The following CHST10 variants were observed in gnomAD, a reference collection of about 807,000 sequenced individuals.
CHST10 encodes the protein carbohydrate sulfotransferase 10.
Under a neutral mutation model 34.7 loss-of-function variants are expected in CHST10, and 24 were observed. The observed-to-expected ratio is 0.69, with a 90% CI of 0.50 to 0.97. CHST10 has a LOEUF of 0.97. Among genes scored for constraint, CHST10 ranks in the 50% least tolerant of loss-of-function variants. CHST10 has a pLI of 0.00. For missense variants in CHST10, 402 were observed against 452.1 expected (o/e 0.89, Z 1.00); for synonymous variants, 161 against 169.3 (o/e 0.95, Z 0.38).
intron 2 of CHST10, among the ~76,000 whole-genome samples, chr2:100,413,627 AC>A (rs2104263887): frequency 6.6e-6 from 1 of 152,344 alleles, no homozygotes; most frequent in South Asian, 2.1e-4. Context: ...TGTTACTATT[AC>A]CATCTCTTGA....
At chr2:100,405,191 C>T (rs1675515599) in intron 3 of CHST10, among the ~76,000 whole-genome samples, 1 of 152,228 alleles carries the variant, frequency 6.6e-6, no homozygotes, top group Non-Finnish European at 1.5e-5. Context: ...CAAGAATCGA[C>T]CCTTGCTCTG....
At chr2:100,405,852 A>G (rs985552768) in intron 3 of CHST10, among the ~76,000 whole-genome samples, 4 of 152,160 alleles carry the variant, frequency 2.6e-5, no homozygotes, top group Admixed American at 2.6e-4. Context: ...GCTGGAGAGC[A>G]TATCACACAC....
chr2:100,415,075 G>T lies in CHST10; in HGVS notation c.-67C>A, dbSNP rs567187190. Reference sequence around the variant, plus strand: ...CCTGGGGCTCACATTTCCTTGCTGTGTTTCCCCTGAACTGAGGTTCTTGGT... The same window carrying T: ...CCTGGGGCTCACATTTCCTTGCTGTTTTTCCCCTGAACTGAGGTTCTTGGT... On this transcript the variant is annotated 5_prime_UTR_variant, in exon 2 of 7. Coordinates refer to ENST00000264249, the MANE Select transcript of CHST10 (RefSeq NM_004854.5). The T allele has an allele frequency of 8.1e-5, 105 of 1,302,788 alleles. 2 individuals carry two copies. In the South Asian group the frequency reaches 1.2e-3, roughly 15 times the overall value. The allele number at this position is 1,302,788 out of a possible 1,614,324, so 80.7% of individuals were successfully genotyped here.
In CHST10 at chr2:100,402,656, C is replaced by G. The variant is rs1675398059; in HGVS notation, c.101-1G>C. The G allele has an allele frequency of 6.2e-7, 1 of 1,613,604 alleles. No homozygotes were observed. Among genetic ancestry groups the G allele is most frequent in the Non-Finnish European group, 8.5e-7 (1 of 1,179,586 alleles). ...AGAAACTCCTGTTTGGCACTGTACA[C>G]TGGAAGACAGAGAGGTTGAATGTCT... is the stretch of plus-strand genomic sequence containing the variant. On this transcript the variant is annotated splice_acceptor_variant, in intron 3 of 6. Transcript: ENST00000264249. LOFTEE classifies it high-confidence loss of function.
chr2:100,417,250 A>G (rs1442597901), intron 1 of CHST10, 124 bp downstream of exon 1: 2 of 373,482 alleles, frequency 5.4e-6, no homozygotes, highest in Non-Finnish European at 1.1e-5. Flanking sequence ...CAAGTCGCCA[A>G]AACACACCGG....
rs759391421 is a variant in CHST10 at position 100,406,688 on chromosome 2, C to T, written c.-13G>A. On this transcript the variant is annotated 5_prime_UTR_variant, in exon 3 of 7. Coordinates refer to ENST00000264249, the MANE Select transcript of CHST10 (RefSeq NM_004854.5). ...ACTGGTGGTGCATGTTGTCACACCG[C>T]AGCCATTCACTGACTCTTCCTGGAA... The T allele has an allele frequency of 5.0e-6, 8 of 1,613,994 alleles. No individual in the cohort carries two copies. In the Admixed American group the frequency reaches 1.2e-4, roughly 24 times the overall value.
chr2:100,395,545 C>A lies in CHST10; in HGVS notation c.497G>T (p.Arg166Leu). 6.2e-7 allele frequency: 1 copy of A among 1,613,904 alleles called. No homozygotes were observed. The highest frequency in any genetic ancestry group is 1.1e-5 in the South Asian group (1 of 91,064). The stretch of plus-strand genomic sequence containing the variant: ...TTCTGCATCACTGAAGGAAGAGAGC[C>A]GAGGAAGGCCGTTCTTCTCGTGGTC... ...VHDHEKNGLP[R>L]LSSFSDAEIQ... Residue 166 changes from arginine to leucine, a missense_variant, in exon 6 of 7, where the codon CGG becomes CTG. Transcript: ENST00000264249.
intron 2 of CHST10, among the ~76,000 whole-genome samples, chr2:100,413,835 A>C (rs538496629): frequency 6.6e-6 from 1 of 152,108 alleles, no homozygotes; most frequent in Non-Finnish European, 1.5e-5. Flanking sequence ...CACTTACTAA[A>C]GTTTCTGAAA....
intron 3 of CHST10, among the ~76,000 whole-genome samples, chr2:100,403,406 C>T (rs2104353894): frequency 6.6e-6 from 1 of 152,276 alleles, no homozygotes; most frequent in Middle Eastern, 3.4e-3. Flanking sequence ...ACACCTGATC[C>T]TAGTTCAATA....
chr2:100,413,920 T>A (rs1472371015), intron 2 of CHST10, among the ~76,000 whole-genome samples: 2 of 152,144 alleles, frequency 1.3e-5, no homozygotes, highest in African/African-American at 4.8e-5. Context: ...TCAGCAATAT[T>A]TACCAAAGCC....
At chr2:100,412,713 A>C (rs1057247029) in intron 2 of CHST10, among the ~76,000 whole-genome samples, 1 of 152,194 alleles carries the variant, frequency 6.6e-6, no homozygotes, top group East Asian at 1.9e-4. Flanking sequence ...CCATCTTAAG[A>C]AGGAAAATTG....
intron 3 of CHST10, among the ~76,000 whole-genome samples, chr2:100,405,439 T>G (rs1675526698): frequency 6.6e-6 from 1 of 152,116 alleles, no homozygotes; most frequent in South Asian, 2.1e-4. Context: ...AGACCTCCCT[T>G]CTAACCTTGC....
rs1674846181 is a variant in CHST10 at position 100,392,632 on chromosome 2, A to C, written c.*613T>G. 1 of 157,836 alleles carries C rather than the reference A, an allele frequency of 6.3e-6. No individual in the cohort carries two copies. The highest frequency in any genetic ancestry group is 1.4e-5 in the Non-Finnish European group (1 of 71,146). The allele number at this position is 157,836 out of a possible 1,614,324, so 9.8% of individuals were successfully genotyped here. ...CTGGAAAGATGGACCCCTGGACACC[A>C]CACCACCCTCTGGCCATCGCTGACT... On this transcript the variant is annotated 3_prime_UTR_variant, in exon 7 of 7. Transcript: ENST00000264249.
intron 4 of CHST10, among the ~76,000 whole-genome samples, chr2:100,402,196 C>T (rs1313696483): frequency 6.6e-6 from 1 of 152,162 alleles, no homozygotes; most frequent in Non-Finnish European, 1.5e-5. Flanking sequence ...CTGTCCAGGG[C>T]CCCCTTTCAC....
chr2:100,415,206 G>T (rs1573205248), intron 1 of CHST10, 95 bp from the exon 2 acceptor site: 2 of 619,296 alleles, frequency 3.2e-6, no homozygotes, highest in Non-Finnish European at 2.4e-6. Flanking sequence ...AGGAAATAGT[G>T]AACCATTTTG....
chr2:100,403,982 C>T (rs545500429), intron 3 of CHST10, among the ~76,000 whole-genome samples: 22 of 152,310 alleles, frequency 1.4e-4, no homozygotes, highest in African/African-American at 2.4e-4. Flanking sequence ...GCCTCTCTGA[C>T]GCCTGCAGGG....
chr2:100,401,799 A>G (rs1048950595), intron 4 of CHST10, among the ~76,000 whole-genome samples: 3 of 152,144 alleles, frequency 2.0e-5, no homozygotes, highest in Non-Finnish European at 4.4e-5. Flanking sequence ...GTTCTAATTT[A>G]TCATCCTTAC....
chr2:100,410,952 A>AT (rs1675807135), intron 2 of CHST10, among the ~76,000 whole-genome samples: 1 of 152,152 alleles, frequency 6.6e-6, no homozygotes, highest in African/African-American at 2.4e-5. Context: ...GTATGATCCC[A>AT]TTTGTTAAAA....
At chr2:100,400,040 C>T (rs1380580005) in intron 4 of CHST10, among the ~76,000 whole-genome samples, 3 of 152,154 alleles carry the variant, frequency 2.0e-5, no homozygotes, top group Admixed American at 6.5e-5. Flanking sequence ...CCCAAAAGAG[C>T]CTCTCTGTCT....
Sources: allele counts gnomAD v4.1 joint callset (sites outside exome capture counted in the v4.1 genomes callset), GRCh38; gene constraint gnomAD v4.1.1; transcripts MANE v1.5; gene names NCBI Gene and HGNC (gene_info 2026-07-23, HGNC 2026-07-21).